EIF3B: variants seen among roughly 807,000 people sequenced by gnomAD.
The protein encoded by EIF3B is eukaryotic translation initiation factor 3 subunit B, also known as eukaryotic translation initiation factor 3 subunit 9.
Under a neutral mutation model 104.6 loss-of-function variants are expected in EIF3B, and 10 were observed. The observed-to-expected ratio is 0.10, with a 90% CI of 0.06 to 0.16. EIF3B has a LOEUF of 0.16. Among genes scored for constraint, EIF3B ranks in the 10% least tolerant of loss-of-function variants. The pLI, the probability that EIF3B is intolerant of heterozygous loss-of-function variation, is 1.00. For synonymous variants in EIF3B, 542 were observed against 417.2 expected, an observed-to-expected ratio of 1.30 and a Z score of -3.65; for missense variants, 1,014 against 1,087.9, an observed-to-expected ratio of 0.93 and a Z score of 0.96.
chr7:2,360,519 A>G (rs984527924), intron 1 of EIF3B, among the ~76,000 whole-genome samples, 191 bp from the exon 2 acceptor site: 22 of 152,144 alleles, frequency 1.4e-4, no homozygotes, highest in African/African-American at 5.3e-4. Context: ...AAAGGGAGAG[A>G]GGAGAGTTCC....
rs781580662 is a variant in EIF3B at position 2,376,970 on chromosome 7, G to A, written c.2049G>A (p.Leu683=). 1.9e-6 allele frequency: 3 copies of A among 1,613,984 alleles called. No homozygotes were observed. The highest frequency in any genetic ancestry group is 2.2e-5 in the South Asian group (2 of 91,080). ...WSHKVDNAYW[L]WTFQGRLLQK... is the part of the protein sequence containing the mutation. ...CCTAGGTGGACAACGCGTACTGGCT[G>A]TGGACTTTCCAGGGACGCCTCCTGC... Residue 683 remains leucine, a synonymous_variant, in exon 15 of 19, where the codon CTG becomes CTA. Transcript: ENST00000360876.
chr7:2,376,904 G>C, intron 14 of EIF3B, 46 bp from the exon 15 acceptor site: 1 of 1,583,358 alleles, frequency 6.3e-7, no homozygotes, highest in Non-Finnish European at 8.6e-7. Flanking sequence ...CACGGTTGTG[G>C]CTCTCTGACC....
chr7:2,372,855 C>T, intron 12 of EIF3B, 60 bp downstream of exon 12: 1 of 1,578,174 alleles, frequency 6.3e-7, no homozygotes, highest in Non-Finnish European at 8.6e-7. Context: ...GACCCAGTCG[C>T]TGCCCAACAG....
chr7:2,356,950 A>G (rs1431274062), intron 1 of EIF3B, among the ~76,000 whole-genome samples: 1 of 152,190 alleles, frequency 6.6e-6, no homozygotes, highest in Non-Finnish European at 1.5e-5. Context: ...CTCAGTCCTG[A>G]GGAAACTTGT....
intron 11 of EIF3B, 121 bp downstream of exon 11, chr7:2,371,970 A>G (rs1470509325): frequency 1.3e-6 from 1 of 760,298 alleles, no homozygotes. Flanking sequence ...AGCCCTCACC[A>G]TGAATAGTCA....
Position 2,371,757 on chromosome 7 carries a change from TC to T in EIF3B, c.1615-15del. The T allele has an allele frequency of 6.3e-7, 1 of 1,579,692 alleles. No individual in the cohort carries two copies. The highest frequency in any genetic ancestry group is 2.2e-5 in the East Asian group (1 of 44,746). On this transcript the variant is annotated intron_variant, in intron 10 of 18. Transcript: ENST00000360876. ...TTTCACTGTCCAGAATGTCACCCCT[TC>T]CCCCTTTTTTTTAAACAGGGTGTTG...
Position 2,375,530 on chromosome 7 carries a change from G to T in EIF3B, c.2028+3G>T. 1 of 1,614,208 alleles carries T rather than the reference G, an allele frequency of 6.2e-7. No homozygotes were observed. The highest frequency in any genetic ancestry group is 8.5e-7 in the Non-Finnish European group (1 of 1,180,046). On this transcript the variant is annotated splice_donor_region_variant and intron_variant, in intron 14 of 18. Coordinates refer to ENST00000360876, the MANE Select transcript of EIF3B (RefSeq NM_001037283.2). ...CTGTGTCCTGGTGGAGCCATAAGGT[G>T]CAGGCCTGTGGGGCATAGTTTTGAC...
At chr7:2,361,042 G>A (rs1779698916) in intron 2 of EIF3B, 140 bp downstream of exon 2, 2 of 618,704 alleles carry the variant, frequency 3.2e-6, no homozygotes, top group Admixed American at 3.1e-5. Context: ...GCCCTCAGCT[G>A]GAAGCTATCC....
At chr7:2,362,898 C>A in intron 3 of EIF3B, 134 bp downstream of exon 3, 1 of 1,458,616 alleles carries the variant, frequency 6.9e-7, no homozygotes, top group Non-Finnish European at 9.4e-7. Flanking sequence ...TGCCGCAGAG[C>A]CATTTCACAG....
chr7:2,356,697 G>A (rs1779464623), intron 1 of EIF3B, among the ~76,000 whole-genome samples: 1 of 152,008 alleles, frequency 6.6e-6, no homozygotes, highest in African/African-American at 2.4e-5. Context: ...GTACTTGGGA[G>A]GCTGAGGCAC....
chr7:2,373,022 G>A, intron 12 of EIF3B: 1 of 367,214 alleles, frequency 2.7e-6, no homozygotes. Flanking sequence ...GTTTAAGCGA[G>A]TATTTCCAAG....
intron 4 of EIF3B, 23 bp downstream of exon 4, chr7:2,363,150 C>G: frequency 6.2e-7 from 1 of 1,611,974 alleles, no homozygotes; most frequent in East Asian, 2.2e-5. Context: ...AAACCTACAT[C>G]TCAGTGGTTT....
At chr7:2,379,655 C>T (rs764530054) in intron 18 of EIF3B, 144 bp downstream of exon 18, 9 of 636,886 alleles carry the variant, frequency 1.4e-5, no homozygotes, top group East Asian at 2.8e-5. Context: ...AGCTGAGCCT[C>T]GTGTGAAATG....
intron 6 of EIF3B, among the ~76,000 whole-genome samples, chr7:2,364,821 G>A (rs1033306098): frequency 6.6e-6 from 1 of 152,176 alleles, no homozygotes; most frequent in African/African-American, 2.4e-5. Context: ...CATAGTGTGG[G>A]TACTGACTTC....
chr7:2,367,152 C>G, intron 9 of EIF3B, 107 bp downstream of exon 9: 1 of 1,086,244 alleles, frequency 9.2e-7, no homozygotes, highest in South Asian at 1.6e-5. Flanking sequence ...CTTATGACAG[C>G]TGAGATTTCT....
chr7:2,366,241 G>C, intron 6 of EIF3B, 76 bp from the exon 7 acceptor site: 1 of 1,465,260 alleles, frequency 6.8e-7, no homozygotes, highest in African/African-American at 1.4e-5. Flanking sequence ...TTCTGACGGC[G>C]TGTTCTGGCC....
intron 9 of EIF3B, among the ~76,000 whole-genome samples, chr7:2,367,825 A>ATTTTTTTTTTTTTTTTTTTTTTTTTTT (rs71026506): frequency 1.7e-5 from 1 of 60,296 alleles, no homozygotes; most frequent in African/African-American, 8.6e-5. Context: ...TTTTTTTAAA[A>ATTTTTTTTTTTTTTTTTTTTTTTTTTT]TTTTTTTTTT....
chr7:2,354,774 G>A, upstream of EIF3B: 1 of 762,240 alleles, frequency 1.3e-6, no homozygotes, highest in African/African-American at 1.9e-5. Context: ...GCCCCAGGGC[G>A]TGGGTGCGCC....
At position 2,354,827 on chromosome 7, in the gene EIF3B, ATGGCTGGGCTG is replaced by A. The variant is rs951366755; in HGVS notation, c.-93_-83del. On this transcript the variant is annotated 5_prime_UTR_variant, in exon 1 of 19. An upstream start codon of the reference 5' UTR is lost. Transcript: ENST00000360876. ...GGTGCGGCCTCCCCGTCGCACGCAC[ATGGCTGGGCTG>A]TAGCCGTCGCGGCGCGCGGTGCGGC... The A allele has an allele frequency of 9.8e-7, 1 of 1,024,692 alleles. No homozygotes were observed. Among genetic ancestry groups the A allele is most frequent in the Non-Finnish European group, 1.2e-6 (1 of 854,616 alleles). 63.5% of individuals were successfully genotyped at this position (1,024,692 alleles called of 1,614,324 possible).
Sources: gnomAD v4.1 joint callset for allele counts (sites outside exome capture counted in the v4.1 genomes callset) on GRCh38, gnomAD v4.1.1 for gene constraint, MANE v1.5 for transcripts, NCBI Gene and HGNC (gene_info 2026-07-23, HGNC 2026-07-21) for gene names.